VMP1: variants seen among roughly 807,000 people sequenced by gnomAD.
The protein encoded by VMP1 is ectopic P-granules autophagy protein 3 homolog.
Under a neutral mutation model 56.0 loss-of-function variants are expected in VMP1, and 11 were observed. That is an observed-to-expected ratio of 0.20 (90% CI 0.12 to 0.32). The LOEUF is 0.32. VMP1 is among the 10% of genes least tolerant of loss of function. VMP1 has a pLI of 1.00. For missense variants in VMP1, 296 were observed against 490.3 expected, an observed-to-expected ratio of 0.60 and a Z score of 3.74; for synonymous variants, 149 against 165.0, an observed-to-expected ratio of 0.90 and a Z score of 0.74.
Position 59,841,944 on chromosome 17 carries a change from T to A in VMP1, c.*2033T>A, listed in dbSNP as rs1045760364. The A allele has an allele frequency of 6.6e-6, 1 of 152,264 alleles. No homozygotes were observed. Among genetic ancestry groups the A allele is most frequent in the African/African-American group, 2.4e-5 (1 of 41,474 alleles). 9.4% of individuals were successfully genotyped at this position (152,264 alleles called of 1,614,324 possible). ...ACGTTTGACTTATGATGACCATTTA[T>A]GCACTTTCAAATGAATTTGCTTTCA... On this transcript the variant is annotated 3_prime_UTR_variant, in exon 12 of 12. Coordinates refer to ENST00000262291, the MANE Select transcript of VMP1 (RefSeq NM_030938.5).
chr17:59,758,228 T>C (rs1050674250), intron 5 of VMP1, among the ~76,000 whole-genome samples: 1 of 152,204 alleles, frequency 6.6e-6, no homozygotes, highest in Non-Finnish European at 1.5e-5. Context: ...ACTCATTTTA[T>C]AGCACAGCAG....
chr17:59,833,043 T>C (rs988356096), intron 10 of VMP1, among the ~76,000 whole-genome samples: 7 of 152,120 alleles, frequency 4.6e-5, no homozygotes, highest in African/African-American at 1.7e-4. Context: ...TTAGGGAGAA[T>C]GGCATTTAGG....
At chr17:59,774,470 T>C (rs138924900) in intron 7 of VMP1, among the ~76,000 whole-genome samples, 1 of 152,176 alleles carries the variant, frequency 6.6e-6, no homozygotes, top group Admixed American at 6.5e-5. Context: ...ATATCTATAG[T>C]GGCCCTTTCC....
At chr17:59,798,755 G>T (rs1247150789) in intron 7 of VMP1, among the ~76,000 whole-genome samples, 1 of 152,042 alleles carries the variant, frequency 6.6e-6, no homozygotes, top group East Asian at 1.9e-4. Context: ...GTGTGGTGGC[G>T]CATGCCTGTA....
intron 1 of VMP1, among the ~76,000 whole-genome samples, chr17:59,718,184 CTTTTTTT>C (rs971095445): frequency 3.0e-4 from 24 of 79,278 alleles, no homozygotes; most frequent in Non-Finnish European, 3.5e-4. Context: ...TCCCTCCCTC[CTTTTTTT>C]TTTTTTTTTT....
In VMP1 at chr17:59,797,167, GTC is replaced by G. The variant is rs1487165563; in HGVS notation, c.715-11625_715-11624del. On this transcript the variant is annotated intron_variant, in intron 7 of 11. Transcript: ENST00000262291. The stretch of plus-strand genomic sequence containing the variant: ...GCCAGCATGGTGAAACCCCCCCCCC[GTC>G]TCTACTAAAAATACAAAAATTAGCC... Among the ~76,000 whole-genome samples, 7 of 140,268 alleles carry G rather than the reference GTC, an allele frequency of 5.0e-5. 1 individual carries two copies. The highest frequency in any genetic ancestry group is 1.9e-4 in the African/African-American group (7 of 36,554). The allele number at this position is 140,268 out of a possible 152,430, so 92.0% of individuals were successfully genotyped here. A position where few individuals can be genotyped will look rare whatever the true frequency, so the allele number is the denominator to read the frequency against.
intron 10 of VMP1, among the ~76,000 whole-genome samples, chr17:59,825,677 A>G (rs2038624890): frequency 6.6e-6 from 1 of 152,190 alleles, no homozygotes; most frequent in African/African-American, 2.4e-5. Context: ...TAACTCAATC[A>G]TTGAACTTGA....
intron 7 of VMP1, among the ~76,000 whole-genome samples, chr17:59,778,268 G>T (rs553951793): frequency 6.6e-6 from 1 of 152,126 alleles, no homozygotes; most frequent in South Asian, 2.1e-4. Context: ...AAGGCCGGGC[G>T]CAGTGGCTCA....
In VMP1 at chr17:59,715,347, C is replaced by T. The variant is rs145067132; in HGVS notation, c.-27+7599C>T. The stretch of plus-strand genomic sequence containing the variant: ...GTATGGCTGAGAAGGCCTCAGGAAA[C>T]TTACAATCATGGTGGTAGGGGAAAC... On this transcript the variant is annotated intron_variant, in intron 1 of 11. Coordinates refer to ENST00000262291, the MANE Select transcript of VMP1 (RefSeq NM_030938.5). Among the ~76,000 whole-genome samples, 98 of 152,250 alleles carry T rather than the reference C, an allele frequency of 6.4e-4. 2 individuals carry two copies. In the East Asian group the frequency reaches 0.015, roughly 23 times the overall value.
At chr17:59,798,973 T>C (rs1314697046) in intron 7 of VMP1, among the ~76,000 whole-genome samples, 1 of 152,238 alleles carries the variant, frequency 6.6e-6, no homozygotes, top group Non-Finnish European at 1.5e-5. Context: ...GAAACTGCCC[T>C]AGATAATATA....
At chr17:59,755,855 C>A (rs1234365941) in intron 5 of VMP1, among the ~76,000 whole-genome samples, 1 of 151,770 alleles carries the variant, frequency 6.6e-6, no homozygotes, top group African/African-American at 2.4e-5. Flanking sequence ...CCTCCCATCT[C>A]AGCCTCCCAA....
At chr17:59,744,629 G>GGA (rs1337029873) in intron 5 of VMP1, among the ~76,000 whole-genome samples, 2 of 75,566 alleles carry the variant, frequency 2.6e-5, no homozygotes, top group Non-Finnish European at 5.5e-5. Flanking sequence ...ATCTCTACCA[G>GGA]AAAAAAAAAA....
intron 7 of VMP1, among the ~76,000 whole-genome samples, chr17:59,798,010 G>C (rs2144155375): frequency 6.6e-6 from 1 of 152,362 alleles, no homozygotes; most frequent in South Asian, 2.1e-4. Context: ...GCCACCAGCA[G>C]GGTTTCTGGA....
chr17:59,810,843 AAGGTCAGAGTACTTTCAT>A (rs1478300677), intron 8 of VMP1, among the ~76,000 whole-genome samples: 1 of 152,208 alleles, frequency 6.6e-6, no homozygotes, highest in Non-Finnish European at 1.5e-5. Flanking sequence ...CAACAGCCAC[AAGGTCAGAGTACTTTCAT>A]AGGAGAAGAA....
chr17:59,800,340 T>C lies in VMP1; in HGVS notation c.715-8456T>C, dbSNP rs950314837. 3.3e-5 allele frequency among the ~76,000 whole-genome samples: 5 copies of C among 152,190 alleles called. 1 individual carries two copies. The highest frequency in any genetic ancestry group is 1.2e-4 in the African/African-American group (5 of 41,448). On this transcript the variant is annotated intron_variant, in intron 7 of 11. Transcript: ENST00000262291. ...TCTACTATGCTGAAAAAACTTAAAT[T>C]ATTAAGTCATCATGACAAGTCATTC... is the stretch of plus-strand genomic sequence containing the variant.
chr17:59,781,039 T>A (rs1327010340), intron 7 of VMP1, among the ~76,000 whole-genome samples: 1 of 152,190 alleles, frequency 6.6e-6, no homozygotes, highest in Non-Finnish European at 1.5e-5. Context: ...TTAATTTTTA[T>A]TTGTTTATAG....
intron 1 of VMP1, among the ~76,000 whole-genome samples, chr17:59,726,358 A>G (rs995090133): frequency 7.9e-5 from 12 of 151,584 alleles, no homozygotes; most frequent in African/African-American, 2.9e-4. Flanking sequence ...CAGTGGTGCA[A>G]TCTCGGCTCC....
intron 9 of VMP1, among the ~76,000 whole-genome samples, chr17:59,815,162 T>C (rs1318402831): frequency 1.3e-5 from 2 of 152,170 alleles, no homozygotes; most frequent in African/African-American, 4.8e-5. Context: ...AATCTACCTA[T>C]AATGTTAGAT....
chr17:59,712,165 T>C (rs987476663), intron 1 of VMP1, among the ~76,000 whole-genome samples: 1 of 152,206 alleles, frequency 6.6e-6, no homozygotes, highest in Non-Finnish European at 1.5e-5. Flanking sequence ...TATCATCATG[T>C]GGCCCCCTAA....
Sources: allele counts gnomAD v4.1 joint callset (sites outside exome capture counted in the v4.1 genomes callset), GRCh38; gene constraint gnomAD v4.1.1; transcripts MANE v1.5; gene names NCBI Gene and HGNC (gene_info 2026-07-23, HGNC 2026-07-21).